The following LRFN2 variants were observed in gnomAD, a reference collection of about 807,000 sequenced individuals.
LRFN2 encodes leucine rich repeat and fibronectin type III domain containing 2.
In LRFN2, 18 loss-of-function variants were observed where a neutral mutation model predicts 37.3. The observed-to-expected ratio is 0.48, with a 90% CI of 0.33 to 0.72. The LOEUF is 0.72. Among genes scored for constraint, LRFN2 ranks in the 30% least tolerant of loss-of-function variants. The pLI is 0.02. For missense variants in LRFN2, 1,006 were observed against 1,060.7 expected (o/e 0.95, Z 0.72); for synonymous variants, 556 against 466.6 (o/e 1.19, Z -2.47).
At chr6:40,412,583 C>G (rs546933197) in intron 2 of LRFN2, among the ~76,000 whole-genome samples, 47 of 152,280 alleles carry the variant, frequency 3.1e-4, no homozygotes, top group African/African-American at 1.1e-3. Context: ...CAAGTCTTAT[C>G]CCTTCTCTGG....
chr6:40,508,614 A>G (rs1765607649), intron 1 of LRFN2, among the ~76,000 whole-genome samples: 1 of 152,182 alleles, frequency 6.6e-6, no homozygotes, highest in Non-Finnish European at 1.5e-5. Flanking sequence ...TTACTCCTCC[A>G]TGCCTCCATT....
At chr6:40,522,643 G>A (rs1486851198) in intron 1 of LRFN2, among the ~76,000 whole-genome samples, 1 of 152,176 alleles carries the variant, frequency 6.6e-6, no homozygotes, top group Non-Finnish European at 1.5e-5. Flanking sequence ...TATAAATTTT[G>A]CTGTTTCCCA....
Position 40,392,723 on chromosome 6 carries a change from C to T in LRFN2, c.1590G>A (p.Leu530=), listed in dbSNP as rs1262366361. ...CGATGACCAGGATCATGGTGCCGCC[C>T]AGAATCTGGCTGTGCATGGACTGGC... ...PQCQSMHSQI[L]GGTMILVIGG... The change falls in exon 3 of 3, where the codon CTG becomes CTA. Residue 530 remains leucine, a synonymous_variant. Transcript: ENST00000338305. This position sits in a 1 kb window ranked among gnomAD's most constrained non-coding sequence, Gnocchi z 4.7. 6.2e-7 allele frequency: 1 copy of T among 1,614,088 alleles called. No individual in the cohort carries two copies. The highest frequency in any genetic ancestry group is 2.2e-5 in the East Asian group (1 of 44,864).
intron 1 of LRFN2, among the ~76,000 whole-genome samples, chr6:40,576,320 C>A (rs1352860394): frequency 7.4e-6 from 1 of 134,502 alleles, no homozygotes; most frequent in East Asian, 2.2e-4. Context: ...TGGAGAGAGA[C>A]AAGACAGATG....
chr6:40,478,156 G>A (rs1764748988), intron 1 of LRFN2, among the ~76,000 whole-genome samples: 1 of 152,176 alleles, frequency 6.6e-6, no homozygotes. Flanking sequence ...CAGATGGAAT[G>A]GCTGTGTGCC....
At chr6:40,405,109 G>C (rs180985680) in intron 2 of LRFN2, among the ~76,000 whole-genome samples, 2 of 152,130 alleles carry the variant, frequency 1.3e-5, no homozygotes, top group African/African-American at 4.8e-5. Flanking sequence ...TCGATATTCT[G>C]GTTCCTGCTT....
chr6:40,464,217 C>T (rs1379845083), intron 1 of LRFN2, among the ~76,000 whole-genome samples: 1 of 152,168 alleles, frequency 6.6e-6, no homozygotes, highest in Non-Finnish European at 1.5e-5. Context: ...ATTATTTTCT[C>T]ACTAGGATCT....
intron 1 of LRFN2, among the ~76,000 whole-genome samples, chr6:40,473,020 G>A (rs1764634143): frequency 6.6e-6 from 1 of 152,020 alleles, no homozygotes; most frequent in Non-Finnish European, 1.5e-5. Context: ...TGGAACAGGG[G>A]ACACAAAATA....
rs183430146 is a variant in LRFN2, at chr6:40,492,411, G to A, written c.-18-59280C>T. 2.6e-3 allele frequency among the ~76,000 whole-genome samples: 402 copies of A among 152,296 alleles called. 4 individuals carry two copies. The highest frequency in any genetic ancestry group is 1.4e-3 in the Non-Finnish European group (96 of 68,028). On this transcript the variant is annotated intron_variant, in intron 1 of 2. Transcript: ENST00000338305. The stretch of plus-strand genomic sequence containing the variant: ...CTCTCAGCCCCCTCTCTGGCACTGA[G>A]CTGGAAGCACATCGAACCTGCCAGG...
At chr6:40,534,005 A>G (rs1032328663) in intron 1 of LRFN2, among the ~76,000 whole-genome samples, 1 of 152,242 alleles carries the variant, frequency 6.6e-6, no homozygotes, top group Non-Finnish European at 1.5e-5. Flanking sequence ...TTCTCATGTC[A>G]TAGGCACTGT....
intron 1 of LRFN2, among the ~76,000 whole-genome samples, chr6:40,477,781 GTT>G: frequency 6.6e-6 from 1 of 152,280 alleles, no homozygotes; most frequent in Middle Eastern, 3.4e-3. Context: ...CTTCCAGAGT[GTT>G]TTGCTGAAAG....
At chr6:40,414,607 T>G (rs1158243314) in intron 2 of LRFN2, among the ~76,000 whole-genome samples, 2 of 152,364 alleles carry the variant, frequency 1.3e-5, no homozygotes, top group Non-Finnish European at 2.9e-5. Flanking sequence ...TTGTGATTTA[T>G]AACCCATTTA....
intron 1 of LRFN2, among the ~76,000 whole-genome samples, chr6:40,520,931 A>C (rs1766045188): frequency 6.6e-6 from 1 of 152,154 alleles, no homozygotes; most frequent in Non-Finnish European, 1.5e-5. Flanking sequence ...TGTCCCAGGC[A>C]AGCTGAGAGT....
chr6:40,572,174 A>G (rs970750097), intron 1 of LRFN2, among the ~76,000 whole-genome samples: 5 of 152,236 alleles, frequency 3.3e-5, no homozygotes, highest in African/African-American at 1.2e-4. Context: ...TCTATATCAC[A>G]GTTTCCTCAC....
chr6:40,522,624 A>AG (rs1004805171), intron 1 of LRFN2, among the ~76,000 whole-genome samples: 3 of 152,144 alleles, frequency 2.0e-5, no homozygotes, highest in African/African-American at 7.2e-5. Flanking sequence ...GGGGCTAGCG[A>AG]GGGGACCGTA....
intron 1 of LRFN2, among the ~76,000 whole-genome samples, chr6:40,581,843 T>C (rs1190313711): frequency 2.0e-5 from 3 of 152,130 alleles, no homozygotes; most frequent in Non-Finnish European, 2.9e-5. Context: ...ATTTCATATG[T>C]TTTGGGGACC....
At chr6:40,398,676 A>G (rs2504827) in intron 2 of LRFN2, among the ~76,000 whole-genome samples, 145,744 of 151,832 alleles carry the variant, frequency 0.96, 70,230 homozygotes, top group Non-Finnish European at 1. Context: ...TTTAAGTTAA[A>G]CTGCTCCAGT....
chr6:40,462,642 C>T (rs898127044), intron 1 of LRFN2, among the ~76,000 whole-genome samples: 6 of 152,212 alleles, frequency 3.9e-5, no homozygotes, highest in African/African-American at 9.7e-5. Flanking sequence ...GATGATATCT[C>T]ACAAGTGACA....
At chr6:40,420,156 T>C (rs1373203465) in intron 2 of LRFN2, among the ~76,000 whole-genome samples, 1 of 152,208 alleles carries the variant, frequency 6.6e-6, no homozygotes, top group African/African-American at 2.4e-5. Flanking sequence ...AATAGCTCTC[T>C]TTTGTAAAGA....
Sources: gnomAD v4.1 joint callset for allele counts (sites outside exome capture counted in the v4.1 genomes callset) on GRCh38, gnomAD v4.1.1 for gene constraint, Gnocchi (gnomAD v3.1) non-coding constraint, MANE v1.5 for transcripts, NCBI Gene and HGNC (gene_info 2026-07-23, HGNC 2026-07-21) for gene names.